Variants in FYB1 observed in about 807,000 individuals in gnomAD.
FYB1 encodes the protein FYN-binding protein 1.
In FYB1, 41 loss-of-function variants were observed where a neutral mutation model predicts 94.1. The ratio of observed to expected loss-of-function variants is 0.44; its 90% CI spans 0.34 to 0.57. The LOEUF (loss-of-function observed/expected upper bound fraction) is 0.57, where lower values mean the gene tolerates loss of function less well. FYB1 is among the 20% of genes least tolerant of loss of function. The probability of loss-of-function intolerance (pLI) is 0.02; values close to 1 mark genes in which losing one functional copy is unlikely to be tolerated. For missense variants in FYB1, 1,050 were observed against 976.8 expected (o/e 1.07, Z -1.00); for synonymous variants, 367 against 353.2 (o/e 1.04, Z -0.44).
intron 3 of FYB1, among the ~76,000 whole-genome samples, chr5:39,148,353 C>A (rs779496205): frequency 2.4e-5 from 2 of 82,898 alleles, no homozygotes; most frequent in South Asian, 4.5e-4. Flanking sequence ...ATTGGCTATT[C>A]ATGCATTTAG....
chr5:39,169,250 A>G, intron 2 of FYB1: 2 of 1,127,232 alleles, frequency 1.8e-6, no homozygotes, highest in African/African-American at 1.5e-5. Context: ...CTGGTGTATA[A>G]GTCAACAGAA....
chr5:39,249,753 G>A (rs1751636512), intron 1 of FYB1, among the ~76,000 whole-genome samples: 2 of 152,216 alleles, frequency 1.3e-5, no homozygotes, highest in Admixed American at 6.5e-5. Context: ...GGTGAGGGAT[G>A]CACTCAGCAA....
chr5:39,273,126 C>T (rs1465756531), intron 1 of FYB1, among the ~76,000 whole-genome samples: 1 of 152,190 alleles, frequency 6.6e-6, no homozygotes, highest in Non-Finnish European at 1.5e-5. Flanking sequence ...CCGGCCACCA[C>T]CCCGTCTGGG....
chr5:39,273,684 T>G (rs1368411397), intron 1 of FYB1, among the ~76,000 whole-genome samples: 1 of 152,208 alleles, frequency 6.6e-6, no homozygotes, highest in Non-Finnish European at 1.5e-5. Flanking sequence ...TCATACATTT[T>G]TATTTTAGAA....
intron 2 of FYB1, among the ~76,000 whole-genome samples, chr5:39,190,228 C>T (rs564385146): frequency 2.4e-4 from 36 of 151,556 alleles, no homozygotes; most frequent in Non-Finnish European, 3.1e-4. Flanking sequence ...TTTCACTGAC[C>T]GAAAAGAAGG....
intron 16 of FYB1, among the ~76,000 whole-genome samples, chr5:39,115,800 A>G (rs1739506925): frequency 6.6e-6 from 1 of 152,228 alleles, no homozygotes. Flanking sequence ...TAAGGTGATT[A>G]AATCATGAAA....
chr5:39,241,754 G>C (rs1052864379), intron 1 of FYB1, among the ~76,000 whole-genome samples: 2 of 151,894 alleles, frequency 1.3e-5, no homozygotes, highest in Non-Finnish European at 2.9e-5. Context: ...AAATCCACCT[G>C]ATTTGAAGAG....
At position 39,105,652 on chromosome 5, in the gene FYB1, A is replaced by C. The variant is rs1252003548; in HGVS notation, c.*1791T>G. Reference sequence around the variant, plus strand: ...GTCCTCAAACTAAAGCTGGCCAAAAACTTCAGCATAAAAACTATCCTGTCT... The same window carrying C: ...GTCCTCAAACTAAAGCTGGCCAAAACCTTCAGCATAAAAACTATCCTGTCT... On this transcript the variant is annotated 3_prime_UTR_variant, in exon 19 of 19. Coordinates refer to ENST00000512982, the MANE Select transcript of FYB1 (RefSeq NM_001465.6). 1.3e-5 allele frequency: 2 copies of C among 152,144 alleles called. No individual in the cohort carries two copies. The highest frequency in any genetic ancestry group is 2.9e-5 in the Non-Finnish European group (2 of 68,030). The allele number at this position is 152,144 out of a possible 1,614,324, so 9.4% of individuals were successfully genotyped here.
chr5:39,246,140 G>C (rs535592971), intron 1 of FYB1, among the ~76,000 whole-genome samples: 1 of 152,156 alleles, frequency 6.6e-6, no homozygotes, highest in African/African-American at 2.4e-5. Flanking sequence ...GTTTGGGGTG[G>C]ACCAGTGGCA....
intron 2 of FYB1, among the ~76,000 whole-genome samples, chr5:39,195,442 C>A (rs919043212): frequency 1.3e-5 from 2 of 152,162 alleles, no homozygotes; most frequent in Admixed American, 6.5e-5. Context: ...GAAGGAAAAT[C>A]TTACCCACTC....
chr5:39,107,585 G>A, intron 18 of FYB1, 120 bp from the exon 19 acceptor site: 1 of 504,766 alleles, frequency 2.0e-6, no homozygotes, highest in Non-Finnish European at 3.3e-6. Context: ...AAATAGAACT[G>A]GCTCACTTTA....
At chr5:39,190,192 C>T (rs1170578515) in intron 2 of FYB1, among the ~76,000 whole-genome samples, 2 of 152,158 alleles carry the variant, frequency 1.3e-5, no homozygotes, top group Non-Finnish European at 2.9e-5. Context: ...ATGGATTGCT[C>T]CATAAAGCCC....
chr5:39,253,830 C>A (rs835197), intron 1 of FYB1, among the ~76,000 whole-genome samples: 164 of 152,162 alleles, frequency 1.1e-3, no homozygotes, highest in Non-Finnish European at 2.1e-3. Flanking sequence ...TGATCCTCTT[C>A]TTCCTTCCAT....
At chr5:39,119,119 GT>G (rs1228602680) in intron 15 of FYB1, 83 bp from the exon 16 acceptor site, 2 of 668,042 alleles carry the variant, frequency 3.0e-6, no homozygotes, top group African/African-American at 3.7e-5. Flanking sequence ...TTATTAAAAA[GT>G]TATTTGCTAA....
rs895206552 is a variant in FYB1 at position 39,126,105 on chromosome 5, A to G, written c.1938T>C (p.Asn646=). Residue 646 remains asparagine (N), a synonymous_variant, in exon 12 of 19, where the codon AAT becomes AAC. Coordinates refer to ENST00000512982, the MANE Select transcript of FYB1 (RefSeq NM_001465.6). ...GSTLQVQEKS[N]TWSWGILKML... Reference sequence around the variant, plus strand: ...TCTTCAAAATCCCCCAGGACCACGTATTACTCTTCTCTTGAACCTGTAGTG... The same window carrying G: ...TCTTCAAAATCCCCCAGGACCACGTGTTACTCTTCTCTTGAACCTGTAGTG... 4.3e-6 allele frequency: 7 copies of G among 1,613,528 alleles called. No homozygotes were observed. Among genetic ancestry groups the G allele is most frequent in the Non-Finnish European group, 5.9e-6 (7 of 1,179,650 alleles).
chr5:39,256,724 T>C (rs1751960041), intron 1 of FYB1, among the ~76,000 whole-genome samples: 1 of 152,162 alleles, frequency 6.6e-6, no homozygotes, highest in Non-Finnish European at 1.5e-5. Context: ...ATTTGAGCAG[T>C]GTTTATTGCA....
intron 3 of FYB1, among the ~76,000 whole-genome samples, chr5:39,141,863 T>G (rs1742215930): frequency 6.7e-6 from 1 of 148,870 alleles, no homozygotes; most frequent in Non-Finnish European, 1.5e-5. Flanking sequence ...TAGAGTAAGA[T>G]TCTGTCTCAG....
chr5:39,172,554 T>G (rs973579827), intron 2 of FYB1, among the ~76,000 whole-genome samples: 68 of 152,184 alleles, frequency 4.5e-4, no homozygotes, highest in African/African-American at 1.6e-3. Flanking sequence ...CCCAGTGATC[T>G]CATCACTCAA....
rs1348769603 is a variant in FYB1, at chr5:39,134,836, T to C, written c.1675+19A>G. ...TCGCAAAGAAAATACTTCGAAGCCATAGAGAAATTTGCACTCACATGAACC... is the reference window on the plus strand; with the variant it reads ...TCGCAAAGAAAATACTTCGAAGCCACAGAGAAATTTGCACTCACATGAACC... On this transcript the variant is annotated intron_variant, in intron 8 of 18. Coordinates refer to ENST00000512982, the MANE Select transcript of FYB1 (RefSeq NM_001465.6). 1.9e-6 allele frequency: 3 copies of C among 1,612,866 alleles called. No homozygotes were observed. The highest frequency in any genetic ancestry group is 1.3e-5 in the African/African-American group (1 of 74,882).
Sources: allele counts gnomAD v4.1 joint callset (sites outside exome capture counted in the v4.1 genomes callset), GRCh38; gene constraint gnomAD v4.1.1; transcripts MANE v1.5; gene names NCBI Gene and HGNC (gene_info 2026-07-23, HGNC 2026-07-21).